The following GPC5 variants were observed in gnomAD, a reference collection of about 807,000 sequenced individuals.
GPC5 encodes glypican-5.
Under a neutral mutation model 53.9 loss-of-function variants are expected in GPC5, and 47 were observed. The observed-to-expected ratio is 0.87, with a 90% CI of 0.69 to 1.11. GPC5 has a LOEUF of 1.11. Among genes scored for constraint, GPC5 ranks in the 50% most tolerant of loss-of-function variants. GPC5 has a pLI of 0.00. For synonymous variants in GPC5, 286 were observed against 263.3 expected, an observed-to-expected ratio of 1.09 and a Z score of -0.84; for missense variants, 748 against 713.1, an observed-to-expected ratio of 1.05 and a Z score of -0.56.
chr13:91,568,684 G>A lies in GPC5; in HGVS notation c.325+119762G>A, dbSNP rs147385237. Among the ~76,000 whole-genome samples the A allele has an allele frequency of 3.7e-3, 569 of 151,748 alleles. 3 individuals are homozygous for A. Among genetic ancestry groups the A allele is most frequent in the African/African-American group, 0.013 (542 of 41,414 alleles). ...GTTAATGATCAATATAAATTGGAAG[G>A]CCACCAGTACTTATCTTAAAATAGG... On this transcript the variant is annotated intron_variant, in intron 2 of 7. Coordinates refer to ENST00000377067, the MANE Select transcript of GPC5 (RefSeq NM_004466.6).
intron 5 of GPC5, among the ~76,000 whole-genome samples, chr13:91,816,209 T>TGTAA (rs2038397359): frequency 6.6e-6 from 1 of 152,210 alleles, no homozygotes; most frequent in South Asian, 2.1e-4. Flanking sequence ...CTTCTGCTAC[T>TGTAA]GTAAGCTCTT....
intron 6 of GPC5, among the ~76,000 whole-genome samples, chr13:92,031,249 C>G (rs928396936): frequency 1.3e-5 from 2 of 152,124 alleles, no homozygotes; most frequent in African/African-American, 2.4e-5. Context: ...CTTGAGGTAT[C>G]TTATGCTTCA....
chr13:92,180,688 T>C (rs778751558), intron 7 of GPC5: 1 of 158,978 alleles, frequency 6.3e-6, no homozygotes, highest in Non-Finnish European at 1.4e-5. Flanking sequence ...TCCTAGCTAA[T>C]TCCTATCCAA....
At chr13:91,848,433 G>C (rs551305189) in intron 5 of GPC5, among the ~76,000 whole-genome samples, 2 of 152,210 alleles carry the variant, frequency 1.3e-5, no homozygotes, top group African/African-American at 4.8e-5. Context: ...TGAGGGAAGA[G>C]TTACAGTAAA....
chr13:92,015,792 A>G (rs1275696908), intron 6 of GPC5, among the ~76,000 whole-genome samples: 6 of 152,208 alleles, frequency 3.9e-5, no homozygotes, highest in Admixed American at 6.5e-5. Context: ...TATATATAGC[A>G]ATTATTGTTG....
rs190144183 is a variant in GPC5, at chr13:92,259,650, G to T, written c.1561+114661G>T. Among the ~76,000 whole-genome samples the T allele has an allele frequency of 1.1e-3, 166 of 152,262 alleles. 1 individual carries two copies. The highest frequency in any genetic ancestry group is 6.9e-3 in the South Asian group (33 of 4,816). ...GAATTAAAGAGAGAGTGTGGGGGCG[G>T]CTAATGTTCTTACCTGACTTATTCT... On this transcript the variant is annotated intron_variant, in intron 7 of 7. Transcript: ENST00000377067.
chr13:92,824,174 CTT>C (rs1877767272), intron 7 of GPC5, among the ~76,000 whole-genome samples: 1 of 151,958 alleles, frequency 6.6e-6, no homozygotes, highest in Admixed American at 6.6e-5. Flanking sequence ...TCCATTTCCT[CTT>C]ATCATCTTAC....
At chr13:92,148,840 T>C (rs1338543857) in intron 7 of GPC5, among the ~76,000 whole-genome samples, 2 of 152,108 alleles carry the variant, frequency 1.3e-5, no homozygotes, top group Non-Finnish European at 2.9e-5. Context: ...TATCTGACTA[T>C]ACTTCTTAGG....
intron 7 of GPC5, among the ~76,000 whole-genome samples, chr13:92,237,547 G>A (rs978974366): frequency 2.0e-5 from 3 of 151,880 alleles, no homozygotes; most frequent in Admixed American, 1.3e-4. Flanking sequence ...TTCCACATTA[G>A]CATTAATAGA....
intron 7 of GPC5, among the ~76,000 whole-genome samples, chr13:92,342,640 C>T (rs4773679): frequency 0.38 from 55,383 of 144,116 alleles, 10,393 homozygotes; most frequent in Middle Eastern, 0.51. Context: ...AAATAAGTTT[C>T]TTTTTTAAAT....
intron 7 of GPC5, among the ~76,000 whole-genome samples, chr13:92,232,229 T>C (rs1228612997): frequency 6.6e-6 from 1 of 152,102 alleles, no homozygotes; most frequent in African/African-American, 2.4e-5. Context: ...GGCATGTCCA[T>C]ATTGTCCAAT....
chr13:91,481,911 A>G (rs1248690733), intron 2 of GPC5, among the ~76,000 whole-genome samples: 1 of 152,184 alleles, frequency 6.6e-6, no homozygotes, highest in African/African-American at 2.4e-5. Flanking sequence ...TGAGTGGCAG[A>G]ACCATTTGTA....
At chr13:92,470,100 A>G (rs1316474359) in intron 7 of GPC5, among the ~76,000 whole-genome samples, 1 of 152,130 alleles carries the variant, frequency 6.6e-6, no homozygotes, top group Non-Finnish European at 1.5e-5. Context: ...CTGAACTTGA[A>G]CTAAATCACT....
At chr13:91,427,584 C>T (rs1248963998) in intron 1 of GPC5, among the ~76,000 whole-genome samples, 2 of 152,202 alleles carry the variant, frequency 1.3e-5, no homozygotes, top group Non-Finnish European at 2.9e-5. Flanking sequence ...TTTGATTTTA[C>T]AGGCTCATAG....
At chr13:91,540,005 G>C (rs1277494021) in intron 2 of GPC5, among the ~76,000 whole-genome samples, 1 of 152,130 alleles carries the variant, frequency 6.6e-6, no homozygotes, top group Non-Finnish European at 1.5e-5. Context: ...TAACATAGAG[G>C]CACTAATAAA....
intron 7 of GPC5, among the ~76,000 whole-genome samples, chr13:92,418,460 A>G (rs1224005848): frequency 2.0e-5 from 3 of 152,218 alleles, no homozygotes; most frequent in African/African-American, 7.2e-5. Flanking sequence ...ATTTTAAAGA[A>G]TCTCCATGGA....
At chr13:92,076,128 T>G (rs1343582629) in intron 6 of GPC5, among the ~76,000 whole-genome samples, 1 of 151,114 alleles carries the variant, frequency 6.6e-6, no homozygotes, top group Non-Finnish European at 1.5e-5. Context: ...CAGGCTGGAG[T>G]GCAGTGGCGC....
intron 7 of GPC5, among the ~76,000 whole-genome samples, chr13:92,224,469 T>A (rs1370575605): frequency 6.6e-6 from 1 of 152,208 alleles, no homozygotes; most frequent in Non-Finnish European, 1.5e-5. Flanking sequence ...GAGACTGCTG[T>A]CCTCAGAAAC....
At chr13:91,907,503 T>TTATATATATATATATATATA (rs369447673) in intron 5 of GPC5, among the ~76,000 whole-genome samples, 89 of 129,528 alleles carry the variant, frequency 6.9e-4, no homozygotes, top group African/African-American at 2.5e-3. Context: ...CTCTCTCTCT[T>TTATATATATATATATATATA]TATATATATA....
Sources: allele counts gnomAD v4.1 joint callset (sites outside exome capture counted in the v4.1 genomes callset), GRCh38; gene constraint gnomAD v4.1.1; transcripts MANE v1.5; gene names NCBI Gene and HGNC (gene_info 2026-07-23, HGNC 2026-07-21).